LOXHD1: variants seen among roughly 807,000 people sequenced by gnomAD.
LOXHD1 encodes the protein lipoxygenase homology PLAT domains 1.
Under a neutral mutation model 248.2 loss-of-function variants are expected in LOXHD1, and 205 were observed. The ratio of observed to expected loss-of-function variants is 0.83; its 90% confidence interval spans 0.74 to 0.93. The LOEUF is 0.93. LOXHD1 is among the 40% of genes least tolerant of loss of function. LOXHD1 has a pLI of 0.00. For missense variants in LOXHD1, 2,930 were observed against 2,971.6 expected, an observed-to-expected ratio of 0.99 and a Z score of 0.33; for synonymous variants, 1,113 against 1,162.8, an observed-to-expected ratio of 0.96 and a Z score of 0.87.
intron 21 of LOXHD1, among the ~76,000 whole-genome samples, chr18:46,555,850 G>A (rs1216748764): frequency 2.0e-5 from 3 of 152,012 alleles, no homozygotes; most frequent in Non-Finnish European, 4.4e-5. Flanking sequence ...CACCTCCCTG[G>A]GGTGTGGACC....
chr18:46,554,713 G>A (rs978840950), intron 21 of LOXHD1, among the ~76,000 whole-genome samples: 2 of 151,608 alleles, frequency 1.3e-5, no homozygotes, highest in Non-Finnish European at 2.9e-5. Context: ...AAAGGGAGGG[G>A]GGAAAAGAAG....
chr18:46,507,753 C>A, intron 35 of LOXHD1, 41 bp from the exon 36 acceptor site: 1 of 1,525,690 alleles, frequency 6.6e-7, no homozygotes, highest in South Asian at 1.2e-5. Flanking sequence ...CCTGTCCTCC[C>A]TCACCTCCAC....
intron 21 of LOXHD1, chr18:46,556,892 T>C: frequency 4.3e-6 from 1 of 231,220 alleles, no homozygotes; most frequent in South Asian, 6.2e-5. Flanking sequence ...CCTTCCAGTG[T>C]CACAGCCAGC....
At chr18:46,608,676 T>C (rs2038459248) in intron 6 of LOXHD1, among the ~76,000 whole-genome samples, 1 of 152,144 alleles carries the variant, frequency 6.6e-6, no homozygotes, top group African/African-American at 2.4e-5. Flanking sequence ...TCACACCCTA[T>C]TTCTTCTCCA....
At chr18:46,600,597 CAAAA>C (rs201576655) in intron 8 of LOXHD1, among the ~76,000 whole-genome samples, 4 of 77,380 alleles carry the variant, frequency 5.2e-5, no homozygotes, top group African/African-American at 2.1e-4. Flanking sequence ...AAACTCTGTC[CAAAA>C]AAAAAGGAAG....
At chr18:46,553,899 G>A (rs2037210367) in intron 21 of LOXHD1, among the ~76,000 whole-genome samples, 1 of 152,226 alleles carries the variant, frequency 6.6e-6, no homozygotes, top group Non-Finnish European at 1.5e-5. Context: ...GACAGCAAAT[G>A]CAAAGGCCTT....
At chr18:46,629,412 T>C (rs1243766775) in intron 4 of LOXHD1, among the ~76,000 whole-genome samples, 1 of 152,196 alleles carries the variant, frequency 6.6e-6, no homozygotes, top group African/African-American at 2.4e-5. Context: ...TGTTTTATGC[T>C]CCAATCATGC....
intron 5 of LOXHD1, among the ~76,000 whole-genome samples, chr18:46,611,848 A>G (rs942817079): frequency 6.6e-6 from 1 of 152,048 alleles, no homozygotes; most frequent in African/African-American, 2.4e-5. Flanking sequence ...CAAAATAAAC[A>G]CTATCTTCAA....
intron 14 of LOXHD1, among the ~76,000 whole-genome samples, chr18:46,574,918 A>G (rs752858883): frequency 6.6e-6 from 1 of 151,972 alleles, no homozygotes; most frequent in Non-Finnish European, 1.5e-5. Flanking sequence ...GCACACACCA[A>G]CTTCTTCCTC....
intron 1 of LOXHD1, among the ~76,000 whole-genome samples, chr18:46,655,489 C>T (rs1656998222): frequency 6.6e-6 from 1 of 152,224 alleles, no homozygotes; most frequent in Admixed American, 6.5e-5. Context: ...CCTGGGAAGC[C>T]AAGCACACAT....
At position 46,560,411 on chromosome 18, in the gene LOXHD1, C is replaced by G; in HGVS notation, c.2733G>C (p.Glu911Asp). 6.5e-7 allele frequency: 1 copy of G among 1,549,240 alleles called. No individual in the cohort carries two copies. The highest frequency in any genetic ancestry group is 1.2e-5 in the South Asian group (1 of 84,102). The change falls in exon 19 of 41, where the codon GAG (glutamate) becomes GAC (aspartate). Residue 911 changes from glutamate (E) to aspartate (D), a missense_variant. Coordinates refer to ENST00000642948, the MANE Select transcript of LOXHD1 (RefSeq NM_001384474.1). The stretch of plus-strand genomic sequence containing the variant: ...TCTCCTTCTTCTTCCGGGCCTCCTC[C>G]TCCGGCGTGAGGTCCACCTCCCGCA... ...LVVREVDLTP[E>D]EEARKKKEKD...
intron 9 of LOXHD1, 144 bp from the exon 10 acceptor site, chr18:46,593,904 T>G: frequency 5.1e-6 from 4 of 779,588 alleles, no homozygotes; most frequent in Non-Finnish European, 8.1e-6. Flanking sequence ...AAACCCATTA[T>G]AGCCAAATTT....
rs16939649 is a variant in LOXHD1, at chr18:46,578,071, G to A, written c.1810-204C>T. On this transcript the variant is annotated intron_variant, in intron 13 of 40. Transcript: ENST00000642948. ...CCACTGGAATATCATCCAATGTCAA[G>A]TTTCCAGCTCTCCTTTCAAAAGGCA... Among the ~76,000 whole-genome samples, 738 of 152,288 alleles carry A rather than the reference G, an allele frequency of 4.8e-3. 8 individuals carry two copies. Among genetic ancestry groups the A allele is most frequent in the African/African-American group, 0.016 (649 of 41,554 alleles).
At chr18:46,608,178 C>G (rs750681740) in intron 6 of LOXHD1, among the ~76,000 whole-genome samples, 9 of 151,950 alleles carry the variant, frequency 5.9e-5, no homozygotes, top group Non-Finnish European at 8.8e-5. Flanking sequence ...AAGCATCTGG[C>G]AGGAAAAAAA....
intron 28 of LOXHD1, among the ~76,000 whole-genome samples, chr18:46,532,823 A>C (rs1480260931): frequency 6.6e-6 from 1 of 152,236 alleles, no homozygotes; most frequent in Non-Finnish European, 1.5e-5. Context: ...GTAGCAAATA[A>C]ATGAATAGTA....
chr18:46,537,764 C>T (rs2036377072), intron 26 of LOXHD1, among the ~76,000 whole-genome samples: 1 of 152,252 alleles, frequency 6.6e-6, no homozygotes, highest in Non-Finnish European at 1.5e-5. Flanking sequence ...CCCATGACCA[C>T]TGGTGGTGGG....
intron 4 of LOXHD1, among the ~76,000 whole-genome samples, chr18:46,622,236 G>C (rs151174027): frequency 3.0e-4 from 45 of 152,260 alleles, no homozygotes; most frequent in African/African-American, 1.1e-3. Context: ...CACATCAACT[G>C]TTCAGCTCTG....
intron 19 of LOXHD1, 35 bp downstream of exon 19, chr18:46,560,048 T>TCCCAACCCC: frequency 6.5e-6 from 8 of 1,226,284 alleles, no homozygotes; most frequent in Non-Finnish European, 9.0e-6. Flanking sequence ...GTCTGGCCAC[T>TCCCAACCCC]CCCTCCCCAC....
Position 46,541,830 on chromosome 18 carries a change from AC to A in LOXHD1, c.3858del (p.Ser1287ProfsTer78). On this transcript the variant is annotated frameshift_variant, in exon 25 of 41. Coordinates refer to ENST00000642948, the MANE Select transcript of LOXHD1 (RefSeq NM_001384474.1). LOFTEE classifies it high-confidence loss of function. ...GCATGGAAGAGGTCTCTGATGATGG[AC>A]CCGTCGTCTTCGTTTTTGGCCAGCC... ...GRWLAKNEDD[G>X]SIIRDLFHAE... The A allele has an allele frequency of 6.4e-7, 1 of 1,551,616 alleles. No homozygotes were observed. The highest frequency in any genetic ancestry group is 8.7e-7 in the Non-Finnish European group (1 of 1,146,986).
Sources: allele counts gnomAD v4.1 joint callset (sites outside exome capture counted in the v4.1 genomes callset), GRCh38; gene constraint gnomAD v4.1.1; transcripts MANE v1.5; gene names NCBI Gene and HGNC (gene_info 2026-07-23, HGNC 2026-07-21).